STK33: variants seen among roughly 807,000 people sequenced by gnomAD.
The protein encoded by STK33 is serine/threonine-protein kinase 33.
In STK33, 52 loss-of-function variants were observed where a neutral mutation model predicts 58.0. The observed-to-expected ratio is 0.90, with a 90% CI of 0.72 to 1.13. The LOEUF is 1.13. STK33 is among the 50% of genes most tolerant of loss of function. The pLI, the probability that STK33 is intolerant of heterozygous loss-of-function variation, is 0.00. For synonymous variants in STK33, 215 were observed against 200.1 expected (o/e 1.07, Z -0.63); for missense variants, 630 against 604.2 (o/e 1.04, Z -0.45).
chr11:8,448,467 G>A (rs1441450397), intron 11 of STK33, among the ~76,000 whole-genome samples: 3 of 152,136 alleles, frequency 2.0e-5, no homozygotes, highest in African/African-American at 7.2e-5. Flanking sequence ...AGAGCCCTCA[G>A]AAATAATGCT....
chr11:8,514,233 G>C lies in STK33; in HGVS notation c.-465-33619C>G, dbSNP rs140195104. On this transcript the variant is annotated intron_variant, in intron 1 of 15. Transcript: ENST00000687296. The stretch of plus-strand genomic sequence containing the variant: ...CCATTCATGTGTTGACAGACACTTA[G>C]GTTGCTTCCAAATTTATGGTAACTT... Among the ~76,000 whole-genome samples, 11 of 152,160 alleles carry C rather than the reference G, an allele frequency of 7.2e-5. No homozygotes were observed. In the East Asian group the frequency reaches 2.1e-3, roughly 29 times the overall value.
At chr11:8,488,569 G>C (rs561597815) in intron 1 of STK33, among the ~76,000 whole-genome samples, 2 of 152,098 alleles carry the variant, frequency 1.3e-5, no homozygotes, top group East Asian at 3.9e-4. Context: ...GTGATTTATT[G>C]CTTCTAGGCA....
In STK33 at chr11:8,464,889, A is replaced by G. The variant is rs895378241; in HGVS notation, c.340-67T>C. 1.2e-5 allele frequency: 11 copies of G among 913,050 alleles called. No homozygotes were observed. In the Admixed American group the frequency reaches 2.1e-4, roughly 17 times the overall value. 56.6% of individuals were successfully genotyped at this position (913,050 alleles called of 1,614,324 possible). A position where few individuals can be genotyped will look rare whatever the true frequency, so the allele number is the denominator to read the frequency against. ...ATCAGCTATTAAAAATGAACATATA[A>G]TACTGACAGATACTCACCCAAGGGA... On this transcript the variant is annotated intron_variant, in intron 6 of 15. Coordinates refer to ENST00000687296, the MANE Select transcript of STK33 (RefSeq NM_001352389.2).
At position 8,458,828 on chromosome 11, in the gene STK33, G is replaced by T. The variant is rs377727681; in HGVS notation, c.559-1349C>A. 7.2e-5 allele frequency among the ~76,000 whole-genome samples: 11 copies of T among 152,230 alleles called. No homozygotes were observed. In the East Asian group the frequency reaches 1.4e-3, roughly 19 times the overall value. On this transcript the variant is annotated intron_variant, in intron 8 of 15. Transcript: ENST00000687296. The stretch of plus-strand genomic sequence containing the variant: ...AGATTTTTGTTGTTTTTAAGATCTT[G>T]AAGTCTGATTTTGTTCTTATAAGCA...
Position 8,457,447 on chromosome 11 carries a change from A to G in STK33, c.591T>C (p.Asp197=), listed in dbSNP as rs1294336275. Residue 197 remains aspartate (D), a synonymous_variant, in exon 9 of 16, where the codon GAT becomes GAC. Coordinates refer to ENST00000687296, the MANE Select transcript of STK33 (RefSeq NM_001352389.2). Reference sequence around the variant, plus strand: ...TATCCAGAATTTCTTTGAGTTCTCCATCCTCACAAAGCTCCATCACAAGGT... The same window carrying G: ...TATCCAGAATTTCTTTGAGTTCTCCGTCCTCACAAAGCTCCATCACAAGGT... ...KMYLVMELCE[D]GELKEILDRK... is the part of the protein sequence containing the mutation. 3 of 1,603,812 alleles carry G rather than the reference A, an allele frequency of 1.9e-6. No individual in the cohort carries two copies. Among genetic ancestry groups the G allele is most frequent in the Non-Finnish European group, 8.5e-7 (1 of 1,172,972 alleles).
intron 1 of STK33, among the ~76,000 whole-genome samples, chr11:8,485,057 A>G (rs1950105677): frequency 6.6e-6 from 1 of 152,222 alleles, no homozygotes; most frequent in South Asian, 2.1e-4. Flanking sequence ...TTGAAAAAAT[A>G]ATATTGTTTT....
Position 8,399,645 on chromosome 11 carries a change from C to CA in STK33, c.1345-6936dup, listed in dbSNP as rs928137116. Among the ~76,000 whole-genome samples the CA allele has an allele frequency of 4.0e-5, 6 of 151,894 alleles. No homozygotes were observed. The South Asian group carries it at 6.3e-4, about 16-fold the overall frequency. ...AGCAGAACTGAAGGAAAAAGATACA[C>CA]AAAAAAACCCTTCAAAAAATCAATG... On this transcript the variant is annotated intron_variant, in intron 15 of 15. Transcript: ENST00000687296.
At chr11:8,530,125 T>A (rs1452293876) in intron 1 of STK33, among the ~76,000 whole-genome samples, 1 of 152,120 alleles carries the variant, frequency 6.6e-6, no homozygotes, top group Non-Finnish European at 1.5e-5. Context: ...GTGGAGAGCA[T>A]CACACAGTGT....
At chr11:8,577,727 C>T (rs1418796603) in intron 1 of STK33, among the ~76,000 whole-genome samples, 1 of 152,012 alleles carries the variant, frequency 6.6e-6, no homozygotes, top group Non-Finnish European at 1.5e-5. Flanking sequence ...AGTATACATG[C>T]CATTTATACT....
chr11:8,490,840 C>A (rs1182238933), intron 1 of STK33, among the ~76,000 whole-genome samples: 2 of 152,150 alleles, frequency 1.3e-5, no homozygotes, highest in Non-Finnish European at 2.9e-5. Flanking sequence ...ACACCTGCAG[C>A]TAAGGGATCT....
At chr11:8,479,834 C>T (rs564124449) in intron 2 of STK33, among the ~76,000 whole-genome samples, 7 of 151,916 alleles carry the variant, frequency 4.6e-5, no homozygotes, top group African/African-American at 1.7e-4. Flanking sequence ...CAGAGTAAGA[C>T]TCTGTCTCAA....
chr11:8,590,835 G>A (rs943570138), intron 1 of STK33, among the ~76,000 whole-genome samples: 4 of 152,228 alleles, frequency 2.6e-5, no homozygotes, highest in Non-Finnish European at 2.9e-5. Context: ...AGCAGGAAAG[G>A]AAATTCTTTC....
intron 1 of STK33, among the ~76,000 whole-genome samples, chr11:8,488,700 A>G (rs1328125276): frequency 6.6e-6 from 1 of 152,172 alleles, no homozygotes; most frequent in Non-Finnish European, 1.5e-5. Flanking sequence ...TCACCAAACT[A>G]CTACCACTAC....
At chr11:8,492,012 A>G (rs1362361802) in intron 1 of STK33, among the ~76,000 whole-genome samples, 2 of 152,192 alleles carry the variant, frequency 1.3e-5, no homozygotes, top group African/African-American at 4.8e-5. Flanking sequence ...AAAGACCATC[A>G]ATGCTAGGAA....
At chr11:8,378,416 G>C in the STK33 span, among the ~76,000 whole-genome samples, 1 of 152,226 alleles carries the variant, frequency 6.6e-6, no homozygotes, top group East Asian at 1.9e-4. Context: ...TACTCGGGAG[G>C]CTGAGGCAGG....
chr11:8,354,497 C>CACACAT, the STK33 span, among the ~76,000 whole-genome samples: 2 of 151,250 alleles, frequency 1.3e-5, no homozygotes, highest in African/African-American at 4.9e-5. Flanking sequence ...CACACACACA[C>CACACAT]ACACACACAC....
Position 8,457,473 on chromosome 11 carries a change from A to G in STK33, c.565T>C (p.Tyr189His). 6.3e-7 allele frequency: 1 copy of G among 1,595,246 alleles called. No homozygotes were observed. Residue 189 changes from tyrosine to histidine, a missense_variant, in exon 9 of 16, where the codon TAC becomes CAC. Transcript: ENST00000687296. ...TCCTCACAAAGCTCCATCACAAGGT[A>G]CATTTTCTGACATTATATATATAAA... ...EQVFETPKKMYLVMELCEDGE... is the reference protein window; with the variant it reads ...EQVFETPKKMHLVMELCEDGE...
the STK33 span, among the ~76,000 whole-genome samples, chr11:8,366,841 C>T: frequency 1.3e-5 from 2 of 152,206 alleles, no homozygotes; most frequent in East Asian, 1.9e-4. Flanking sequence ...CAGCCTTCAG[C>T]GCTGAAGGTT....
chr11:8,534,568 C>CTCTCTCTGTGTGTGTGTGTGTGTGTG (rs1402710450), intron 1 of STK33, among the ~76,000 whole-genome samples: 3 of 104,694 alleles, frequency 2.9e-5, no homozygotes, highest in African/African-American at 1.2e-4. Context: ...CTCTCTCTCT[C>CTCTCTCTGTGTGTGTGTGTGTGTGTG]TGTGTGTGTG....
Sources: gnomAD v4.1 joint callset for allele counts (sites outside exome capture counted in the v4.1 genomes callset) on GRCh38, gnomAD v4.1.1 for gene constraint, MANE v1.5 for transcripts, NCBI Gene and HGNC (gene_info 2026-07-23, HGNC 2026-07-21) for gene names.